GRIK2: variants seen among roughly 807,000 people sequenced by gnomAD.
GRIK2 encodes glutamate ionotropic receptor kainate type subunit 2, also known as glutamate receptor ionotropic, kainate 2.
GRIK2 carries 32 observed loss-of-function variants against 100.3 expected under a neutral mutation model. The observed-to-expected ratio is 0.32, with a 90% CI of 0.24 to 0.43. The LOEUF (loss-of-function observed/expected upper bound fraction) is 0.43. GRIK2 is among the 20% of genes least tolerant of loss of function. The pLI is 1.00. For synonymous variants in GRIK2, 417 were observed against 389.4 expected (o/e 1.07, Z -0.83); for missense variants, 843 against 1,114.9 (o/e 0.76, Z 3.47).
intron 7 of GRIK2, among the ~76,000 whole-genome samples, chr6:101,715,611 C>T (rs1178807307): frequency 1.3e-5 from 2 of 151,672 alleles, no homozygotes; most frequent in African/African-American, 4.8e-5. Context: ...CAAACAACGG[C>T]CCATAAATGT....
intron 7 of GRIK2, among the ~76,000 whole-genome samples, chr6:101,774,164 A>T (rs1778590104): frequency 6.6e-6 from 1 of 152,142 alleles, no homozygotes; most frequent in Admixed American, 6.5e-5. Context: ...ATGGACCTAA[A>T]TTTCTAGTGT....
chr6:101,889,384 T>C (rs1402545410), intron 11 of GRIK2, among the ~76,000 whole-genome samples: 2 of 151,898 alleles, frequency 1.3e-5, no homozygotes, highest in Non-Finnish European at 2.9e-5. Flanking sequence ...ATGAAGTTTT[T>C]TTTTCTATAT....
intron 2 of GRIK2, among the ~76,000 whole-genome samples, chr6:101,439,820 A>G (rs1224125858): frequency 1.3e-5 from 2 of 152,154 alleles, no homozygotes; most frequent in Admixed American, 6.6e-5. Context: ...TTTGGGCTAT[A>G]TAGGCATACC....
intron 4 of GRIK2, among the ~76,000 whole-genome samples, chr6:101,634,816 A>G (rs1046538868): frequency 7.2e-5 from 11 of 151,844 alleles, no homozygotes; most frequent in African/African-American, 2.4e-4. Flanking sequence ...CAAAGCTTTT[A>G]TCTTAAGCAA....
At chr6:102,066,838 A>G (rs1772041136) in intron 16 of GRIK2, among the ~76,000 whole-genome samples, 1 of 151,772 alleles carries the variant, frequency 6.6e-6, no homozygotes, top group South Asian at 2.1e-4. Flanking sequence ...GAACCTTTAC[A>G]GAAGAGTGGC....
At chr6:101,859,211 C>T in intron 10 of GRIK2, 76 bp from the exon 11 acceptor site, 2 of 734,184 alleles carry the variant, frequency 2.7e-6, no homozygotes, top group Admixed American at 2.4e-5. Context: ...TTTCTGTCTT[C>T]TAAGAAAAGC....
intron 2 of GRIK2, among the ~76,000 whole-genome samples, chr6:101,413,789 TA>T (rs1252686253): frequency 6.6e-6 from 1 of 152,178 alleles, no homozygotes; most frequent in Non-Finnish European, 1.5e-5. Context: ...GATTATTGTC[TA>T]ACATTTAGAG....
At chr6:102,062,651 T>C (rs1202536666) in intron 16 of GRIK2, among the ~76,000 whole-genome samples, 1 of 150,544 alleles carries the variant, frequency 6.6e-6, no homozygotes, top group Non-Finnish European at 1.5e-5. Flanking sequence ...TTTTTTAACA[T>C]GAGTGATTTA....
chr6:101,589,172 G>A (rs1778526865), intron 2 of GRIK2, among the ~76,000 whole-genome samples: 1 of 152,066 alleles, frequency 6.6e-6, no homozygotes, highest in African/African-American at 2.4e-5. Flanking sequence ...GTTTGTTGTG[G>A]TTTTTATTTT....
At chr6:101,824,099 G>A (rs1413851518) in intron 10 of GRIK2, among the ~76,000 whole-genome samples, 1 of 151,896 alleles carries the variant, frequency 6.6e-6, no homozygotes, top group Admixed American at 6.6e-5. Context: ...TGGTCAGGCT[G>A]GTCTTGAACT....
chr6:101,983,636 A>G (rs1269082947), intron 14 of GRIK2, among the ~76,000 whole-genome samples: 1 of 151,832 alleles, frequency 6.6e-6, no homozygotes, highest in Non-Finnish European at 1.5e-5. Context: ...TTTTAATGGC[A>G]GATTTACTTG....
chr6:101,581,624 C>T (rs1174587139), intron 2 of GRIK2, among the ~76,000 whole-genome samples: 1 of 152,086 alleles, frequency 6.6e-6, no homozygotes, highest in Non-Finnish European at 1.5e-5. Context: ...ATTAACTATA[C>T]AACACTAGTG....
At chr6:102,023,614 GA>G (rs1769543360) in intron 14 of GRIK2, among the ~76,000 whole-genome samples, 1 of 151,514 alleles carries the variant, frequency 6.6e-6, no homozygotes, top group Admixed American at 6.6e-5. Flanking sequence ...TGAGTGTCAG[GA>G]AAGGAGCAAT....
intron 4 of GRIK2, among the ~76,000 whole-genome samples, chr6:101,645,701 T>C (rs1030366342): frequency 6.6e-6 from 1 of 151,960 alleles, no homozygotes. Flanking sequence ...TTTTCTTTTA[T>C]AGATCTGATT....
chr6:101,840,273 C>T (rs1457592775), intron 10 of GRIK2, among the ~76,000 whole-genome samples: 1 of 152,186 alleles, frequency 6.6e-6, no homozygotes, highest in African/African-American at 2.4e-5. Context: ...TGTAAGATGA[C>T]AGCCATGAGA....
chr6:101,925,170 C>T (rs1343378180), intron 13 of GRIK2, among the ~76,000 whole-genome samples: 1 of 151,848 alleles, frequency 6.6e-6, no homozygotes, highest in African/African-American at 2.4e-5. Context: ...AATTTACTGC[C>T]TATAAATTTG....
chr6:101,964,987 G>A (rs1792566354), intron 14 of GRIK2, among the ~76,000 whole-genome samples: 1 of 152,008 alleles, frequency 6.6e-6, no homozygotes, highest in African/African-American at 2.4e-5. Flanking sequence ...AAAGGAAGTA[G>A]CCGGAAAATG....
intron 14 of GRIK2, among the ~76,000 whole-genome samples, chr6:101,998,125 A>C (rs1157396879): frequency 6.6e-6 from 1 of 152,098 alleles, no homozygotes; most frequent in Non-Finnish European, 1.5e-5. Flanking sequence ...TACTGCTCCT[A>C]ATCATAGGCA....
intron 14 of GRIK2, among the ~76,000 whole-genome samples, chr6:101,978,917 G>A (rs1362765022): frequency 1.3e-5 from 2 of 151,840 alleles, no homozygotes; most frequent in Admixed American, 6.6e-5. Flanking sequence ...GCAGACAAAT[G>A]GATATATTTC....
Sources: allele counts gnomAD v4.1 joint callset (sites outside exome capture counted in the v4.1 genomes callset), GRCh38; gene constraint gnomAD v4.1.1; transcripts MANE v1.5; gene names NCBI Gene and HGNC (gene_info 2026-07-23, HGNC 2026-07-21).